SMIM13: variants seen among roughly 807,000 people sequenced by gnomAD.
The protein encoded by SMIM13 is small integral membrane protein 13.
A neutral mutation model predicts 5.9 loss-of-function variants in SMIM13; 3 were observed. The observed-to-expected ratio is 0.51, with a 90% confidence interval of 0.23 to 1.31. The LOEUF (loss-of-function observed/expected upper bound fraction) is 1.31. Among genes scored for constraint, SMIM13 ranks in the 40% most tolerant of loss-of-function variants. The pLI is 0.18. For missense variants in SMIM13, 85 were observed against 109.9 expected, an observed-to-expected ratio of 0.77 and a Z score of 1.01; for synonymous variants, 55 against 46.0, an observed-to-expected ratio of 1.19 and a Z score of -0.79.
intron 1 of SMIM13, among the ~76,000 whole-genome samples, chr6:11,112,537 A>C (rs948160290): frequency 6.6e-6 from 1 of 151,726 alleles, no homozygotes; most frequent in Non-Finnish European, 1.5e-5. Flanking sequence ...ACAGGCATGA[A>C]CCACCACACC....
chr6:11,115,986 C>T (rs1389616626), intron 1 of SMIM13, among the ~76,000 whole-genome samples: 7 of 148,728 alleles, frequency 4.7e-5, no homozygotes, highest in Non-Finnish European at 7.4e-5. Flanking sequence ...CATGCCCTGC[C>T]GGCCGGCCTT....
chr6:11,126,509 G>A (rs1354840913), intron 1 of SMIM13, among the ~76,000 whole-genome samples: 1 of 152,138 alleles, frequency 6.6e-6, no homozygotes, highest in Non-Finnish European at 1.5e-5. Context: ...CAATCTTTTT[G>A]TTAAATTTAT....
chr6:11,100,058 G>A (rs983102961), intron 1 of SMIM13, among the ~76,000 whole-genome samples: 3 of 151,272 alleles, frequency 2.0e-5, no homozygotes, highest in African/African-American at 7.3e-5. Flanking sequence ...TTTTGTTTTT[G>A]TTTTTGTTTT....
At chr6:11,113,637 A>G (rs912606414) in intron 1 of SMIM13, among the ~76,000 whole-genome samples, 1 of 151,750 alleles carries the variant, frequency 6.6e-6, no homozygotes, top group Admixed American at 6.6e-5. Context: ...GTACAGTGGC[A>G]CAATCTTGGC....
intron 1 of SMIM13, among the ~76,000 whole-genome samples, chr6:11,113,594 G>A (rs1758198240): frequency 6.6e-6 from 1 of 151,284 alleles, no homozygotes; most frequent in South Asian, 2.1e-4. Context: ...TTATTTTTTT[G>A]AGATGGAGTC....
At chr6:11,124,206 G>T (rs1561758973) in intron 1 of SMIM13, among the ~76,000 whole-genome samples, 1 of 152,144 alleles carries the variant, frequency 6.6e-6, no homozygotes, top group Non-Finnish European at 1.5e-5. Context: ...TATAAGTTCA[G>T]TTGTTTTAAT....
intron 1 of SMIM13, among the ~76,000 whole-genome samples, chr6:11,095,624 T>G (rs1054047154): frequency 2.0e-5 from 3 of 152,236 alleles, no homozygotes; most frequent in Non-Finnish European, 2.9e-5. Flanking sequence ...AGTGCTGGGA[T>G]TACAGGCATG....
intron 1 of SMIM13, among the ~76,000 whole-genome samples, chr6:11,106,429 T>G (rs949838275): frequency 1.3e-5 from 2 of 152,246 alleles, no homozygotes; most frequent in African/African-American, 4.8e-5. Flanking sequence ...TTGACAAACC[T>G]GTTGAATAGT....
chr6:11,094,596 A>G (rs1442297942), intron 1 of SMIM13, among the ~76,000 whole-genome samples: 3 of 152,094 alleles, frequency 2.0e-5, no homozygotes, highest in African/African-American at 7.2e-5. Flanking sequence ...CTGGGGAGGG[A>G]AAGGACAGGC....
intron 1 of SMIM13, among the ~76,000 whole-genome samples, chr6:11,100,217 T>C (rs1757973239): frequency 6.6e-6 from 1 of 152,080 alleles, no homozygotes; most frequent in Non-Finnish European, 1.5e-5. Flanking sequence ...CCTGCCACCA[T>C]GCCCAGCTAA....
chr6:11,117,145 C>A (rs1403947646), intron 1 of SMIM13, among the ~76,000 whole-genome samples: 1 of 145,472 alleles, frequency 6.9e-6, no homozygotes, highest in Non-Finnish European at 1.5e-5. Flanking sequence ...TGCCTGCCAC[C>A]ACGCCCGGCT....
chr6:11,128,358 G>A (rs527678228), intron 1 of SMIM13, among the ~76,000 whole-genome samples: 77 of 152,228 alleles, frequency 5.1e-4, no homozygotes, highest in African/African-American at 1.8e-3. Flanking sequence ...ACTCTGCTTG[G>A]TGCCCTATTC....
intron 1 of SMIM13, among the ~76,000 whole-genome samples, chr6:11,107,147 C>T (rs561770851): frequency 9.2e-5 from 14 of 152,286 alleles, no homozygotes; most frequent in African/African-American, 2.9e-4. Flanking sequence ...TATCTAGGAG[C>T]TGATCTTTTA....
chr6:11,104,450 A>G (rs1758051592), intron 1 of SMIM13: 2 of 1,551,946 alleles, frequency 1.3e-6, no homozygotes, highest in Non-Finnish European at 1.7e-6. Flanking sequence ...ATGTAGAGAT[A>G]TGGAAATGAA....
intron 1 of SMIM13, chr6:11,105,094 G>C (rs1758064916): frequency 6.2e-7 from 1 of 1,614,114 alleles, no homozygotes; most frequent in Admixed American, 1.7e-5. Flanking sequence ...TAGGAAATAT[G>C]TAATTCCGCC....
chr6:11,113,244 C>T (rs921377038), intron 1 of SMIM13, among the ~76,000 whole-genome samples: 1 of 152,188 alleles, frequency 6.6e-6, no homozygotes, highest in Non-Finnish European at 1.5e-5. Flanking sequence ...ATTTGCATTG[C>T]CAGCAGTCAT....
chr6:11,114,167 A>G (rs945009245), intron 1 of SMIM13, among the ~76,000 whole-genome samples: 1 of 148,350 alleles, frequency 6.7e-6, no homozygotes, highest in Non-Finnish European at 1.5e-5. Context: ...TTTAGTAGAG[A>G]TGGGATTTCA....
In SMIM13 at chr6:11,094,394, G is replaced by C; in HGVS notation, c.76+5G>C. 2 of 1,534,728 alleles carry C rather than the reference G, an allele frequency of 1.3e-6. No individual in the cohort carries two copies. The highest frequency in any genetic ancestry group is 2.4e-5 in the South Asian group (2 of 83,586). On this transcript the variant is annotated splice_donor_5th_base_variant and intron_variant, in intron 1 of 1. Coordinates refer to ENST00000416247, the MANE Select transcript of SMIM13 (RefSeq NM_001135575.2). ...TCCTGCTGCTGATGGTGTGCGGTGA[G>C]TGGGGGCGGTAGCCGCGAGGCAGTT... is the stretch of plus-strand genomic sequence containing the variant.
chr6:11,094,350 G>A lies in SMIM13; in HGVS notation c.37G>A (p.Val13Met). 6.5e-7 allele frequency: 1 copy of A among 1,536,418 alleles called. No homozygotes were observed. Among genetic ancestry groups the A allele is most frequent in the African/African-American group, 1.4e-5 (1 of 73,104 alleles). ...HSVGLTLLVF[V>M]ATLLIVLLLM... ...CGTCGGGCTGACTCTGCTTGTGTTCGTGGCCACGCTGCTGATCGTCCTGCT... is the reference window on the plus strand; with the variant it reads ...CGTCGGGCTGACTCTGCTTGTGTTCATGGCCACGCTGCTGATCGTCCTGCT... The change falls in exon 1 of 2, where the codon GTG becomes ATG. Residue 13 changes from valine (V) to methionine (M), a missense_variant. Physicochemically the swap from Val to Met is conservative, Grantham distance 21. Coordinates refer to ENST00000416247, the MANE Select transcript of SMIM13 (RefSeq NM_001135575.2).
Sources: allele counts gnomAD v4.1 joint callset (sites outside exome capture counted in the v4.1 genomes callset), GRCh38; gene constraint gnomAD v4.1.1; transcripts MANE v1.5; gene names NCBI Gene and HGNC (gene_info 2026-07-23, HGNC 2026-07-21).